Variants in DPP10 observed in about 807,000 individuals in gnomAD.
The protein encoded by DPP10 is dipeptidyl peptidase like 10.
Under a neutral mutation model 120.9 loss-of-function variants are expected in DPP10, and 33 were observed. The observed-to-expected ratio is 0.27, with a 90% CI of 0.21 to 0.37. DPP10 has a LOEUF of 0.37. Ranked by LOEUF, DPP10 falls within the 10% of genes least tolerant of loss-of-function variation. The pLI is 1.00. For missense variants in DPP10, 816 were observed against 942.8 expected, an observed-to-expected ratio of 0.87 and a Z score of 1.76; for synonymous variants, 337 against 326.1, an observed-to-expected ratio of 1.03 and a Z score of -0.36.
intron 1 of DPP10, among the ~76,000 whole-genome samples, chr2:115,152,096 T>C (rs1030700152): frequency 2.0e-5 from 3 of 152,190 alleles, no homozygotes; most frequent in Non-Finnish European, 4.4e-5. Context: ...TTTGAAAACA[T>C]TTTGAGCATG....
chr2:114,741,476 C>G (rs543748737), intron 1 of DPP10, among the ~76,000 whole-genome samples: 1 of 152,244 alleles, frequency 6.6e-6, no homozygotes, highest in African/African-American at 2.4e-5. Flanking sequence ...CTCCTATCCT[C>G]TCCTTGTTTC....
chr2:115,173,607 G>T (rs572763593), intron 1 of DPP10, among the ~76,000 whole-genome samples: 44 of 152,220 alleles, frequency 2.9e-4, no homozygotes, highest in Admixed American at 3.9e-4. Flanking sequence ...GTTCTAATGG[G>T]TATGCTTTAG....
At chr2:114,645,167 C>T (rs1696023286) in intron 1 of DPP10, among the ~76,000 whole-genome samples, 1 of 152,176 alleles carries the variant, frequency 6.6e-6, no homozygotes, top group Admixed American at 6.5e-5. Flanking sequence ...TGCCAGAGTA[C>T]AGGATTCATT....
intron 1 of DPP10, among the ~76,000 whole-genome samples, chr2:114,507,149 G>C (rs1683741560): frequency 6.6e-6 from 1 of 150,664 alleles, no homozygotes; most frequent in African/African-American, 2.4e-5. Flanking sequence ...CTGGGCTCAA[G>C]TGATAATCCC....
intron 1 of DPP10, among the ~76,000 whole-genome samples, chr2:114,558,785 C>T (rs564611054): frequency 1.3e-5 from 2 of 152,190 alleles, no homozygotes; most frequent in Non-Finnish European, 2.9e-5. Context: ...AACACATTCT[C>T]CTCCCATGCT....
At chr2:114,704,374 G>A (rs1451497242) in intron 1 of DPP10, among the ~76,000 whole-genome samples, 2 of 152,106 alleles carry the variant, frequency 1.3e-5, no homozygotes, top group African/African-American at 4.8e-5. Flanking sequence ...ATCATTCCAG[G>A]CCTCAGTAGG....
chr2:115,836,218 G>T lies in DPP10; in HGVS notation c.2012G>T (p.Gly671Val). Reference protein sequence around the residue: ...LKSDEKLFKCGSVVAPITDLK... With the variant: ...LKSDEKLFKCVSVVAPITDLK... ...TCAGATGAAAAGCTTTTTAAATGTG[G>T]ATCCGTGGTTGCACCTATCACAGAC... Residue 671 changes from glycine to valine, a missense_variant, in exon 22 of 26, where the codon GGA becomes GTA. By Grantham distance (109) the Gly-to-Val change is moderately radical (BLOSUM62 -3). Coordinates refer to ENST00000410059, the MANE Select transcript of DPP10 (RefSeq NM_020868.6). 1 of 1,608,264 alleles carries T rather than the reference G, an allele frequency of 6.2e-7. No homozygotes were observed. Among genetic ancestry groups the T allele is most frequent in the Non-Finnish European group, 8.5e-7 (1 of 1,177,944 alleles).
At chr2:114,867,105 T>A (rs1392302138) in intron 1 of DPP10, among the ~76,000 whole-genome samples, 1 of 152,190 alleles carries the variant, frequency 6.6e-6, no homozygotes, top group Non-Finnish European at 1.5e-5. Flanking sequence ...TTCTTCAAGA[T>A]CTTTGCTTAC....
chr2:114,565,487 G>T (rs2104973639), intron 1 of DPP10, among the ~76,000 whole-genome samples: 1 of 152,308 alleles, frequency 6.6e-6, no homozygotes, highest in Middle Eastern at 3.4e-3. Context: ...ATGGATTTTA[G>T]TCAAGCTTAG....
intron 8 of DPP10, among the ~76,000 whole-genome samples, chr2:115,738,755 A>G (rs1032943261): frequency 1.3e-5 from 2 of 152,174 alleles, no homozygotes; most frequent in African/African-American, 4.8e-5. Flanking sequence ...ATGTAGTCTC[A>G]ACATCTAATT....
chr2:115,535,579 T>C (rs908168009), intron 5 of DPP10, among the ~76,000 whole-genome samples: 3 of 150,672 alleles, frequency 2.0e-5, no homozygotes, highest in Non-Finnish European at 4.5e-5. Flanking sequence ...TGGCTTAGGA[T>C]TGACTTGGTG....
chr2:115,147,861 G>A (rs577136158), intron 1 of DPP10, among the ~76,000 whole-genome samples: 1 of 152,222 alleles, frequency 6.6e-6, no homozygotes, highest in Admixed American at 6.5e-5. Flanking sequence ...GATGTCCTCA[G>A]GGATGTACAA....
In DPP10 at chr2:115,808,602, C is replaced by T. The variant is rs893001439; in HGVS notation, c.1701-6191C>T. On this transcript the variant is annotated intron_variant, in intron 19 of 25. Transcript: ENST00000410059. ...CCCTCTATACCAAATTAAAAGCAAA[C>T]GTAGGCATAAGTGTCTAAAGCCACT... is the stretch of plus-strand genomic sequence containing the variant. Among the ~76,000 whole-genome samples the T allele has an allele frequency of 5.9e-5, 9 of 152,292 alleles. No homozygotes were observed. The East Asian group carries it at 7.7e-4, about 13-fold the overall frequency.
chr2:114,771,212 C>T (rs552666652), intron 1 of DPP10, among the ~76,000 whole-genome samples: 1 of 152,196 alleles, frequency 6.6e-6, no homozygotes, highest in Non-Finnish European at 1.5e-5. Context: ...AAGCTGACAA[C>T]TTGCTACATT....
At chr2:115,277,582 C>CTTGAATACATA (rs2059972538) in intron 1 of DPP10, among the ~76,000 whole-genome samples, 1 of 146,940 alleles carries the variant, frequency 6.8e-6, no homozygotes, top group African/African-American at 2.5e-5. Flanking sequence ...GTTACCTCTC[C>CTTGAATACATA]TTGAATACAT....
At position 115,515,654 on chromosome 2, in the gene DPP10, C is replaced by G. The variant is rs539852919; in HGVS notation, c.367-10244C>G. ...CTGTAAAGTCCACTGAAAGGATGTT[C>G]TGTGTTTCACATATCTTAATAAACC... On this transcript the variant is annotated intron_variant, in intron 4 of 25. Coordinates refer to ENST00000410059, the MANE Select transcript of DPP10 (RefSeq NM_020868.6). 5.3e-5 allele frequency among the ~76,000 whole-genome samples: 8 copies of G among 152,000 alleles called. No individual in the cohort carries two copies. The South Asian group carries it at 1.2e-3, about 24-fold the overall frequency.
At chr2:115,474,584 G>A (rs1426174633) in intron 3 of DPP10, among the ~76,000 whole-genome samples, 1 of 152,112 alleles carries the variant, frequency 6.6e-6, no homozygotes, top group Non-Finnish European at 1.5e-5. Context: ...TTTCTAAGGA[G>A]CAACTGATTC....
At position 115,483,609 on chromosome 2, in the gene DPP10, C is replaced by T. The variant is rs181806608; in HGVS notation, c.272-15901C>T. The stretch of plus-strand genomic sequence containing the variant: ...GTTAGATGAGGAAAATTTGGTTAAT[C>T]GTGATGAGAAGTGAGGCAGGGTCAC... On this transcript the variant is annotated intron_variant, in intron 3 of 25. Coordinates refer to ENST00000410059, the MANE Select transcript of DPP10 (RefSeq NM_020868.6). Among the ~76,000 whole-genome samples, 34 of 152,098 alleles carry T rather than the reference C, an allele frequency of 2.2e-4. No individual in the cohort carries two copies. In the East Asian group the frequency reaches 6.4e-3, roughly 29 times the overall value.
intron 1 of DPP10, among the ~76,000 whole-genome samples, chr2:115,205,108 T>G (rs924219980): frequency 1.4e-4 from 22 of 152,178 alleles, no homozygotes; most frequent in Non-Finnish European, 4.4e-5. Flanking sequence ...AGGTCCTACT[T>G]GTCAATTTTT....
Sources: allele counts gnomAD v4.1 joint callset (sites outside exome capture counted in the v4.1 genomes callset), GRCh38; gene constraint gnomAD v4.1.1; transcripts MANE v1.5; gene names NCBI Gene and HGNC (gene_info 2026-07-23, HGNC 2026-07-21).